Variants in MYCBP2 observed in about 807,000 individuals in gnomAD.
MYCBP2 encodes MYC binding protein 2, also known as E3 ubiquitin-protein ligase MYCBP2.
In MYCBP2, 120 loss-of-function variants were observed where a neutral mutation model predicts 525.3. That is an observed-to-expected ratio of 0.23 (90% CI 0.20 to 0.27). The LOEUF is 0.27. MYCBP2 is among the 10% of genes least tolerant of loss of function. The probability of loss-of-function intolerance (pLI) is 1.00; values close to 1 mark genes in which losing one functional copy is unlikely to be tolerated. For missense variants in MYCBP2, 4,149 were observed against 5,657.1 expected, an observed-to-expected ratio of 0.73 and a Z score of 8.55; for synonymous variants, 1,894 against 1,955.8, an observed-to-expected ratio of 0.97 and a Z score of 0.83.
At chr13:77,108,038 A>G (rs2048120296) in intron 55 of MYCBP2, among the ~76,000 whole-genome samples, 1 of 152,224 alleles carries the variant, frequency 6.6e-6, no homozygotes, top group South Asian at 2.1e-4. Context: ...ACTTATTTAC[A>G]TAAATGTTAG....
rs370201129 is a variant in MYCBP2 at position 77,121,513 on chromosome 13, G to A, written c.8018-18C>T. ...AGCTTGTTCTACAATAAAAGCCATA[G>A]CTGTAACATTAGTTTCTTACGTGCT... is the stretch of plus-strand genomic sequence containing the variant. On this transcript the variant is annotated intron_variant, in intron 54 of 82. Coordinates refer to ENST00000544440, the MANE Select transcript of MYCBP2 (RefSeq NM_015057.5). 1.3e-6 allele frequency: 2 copies of A among 1,541,580 alleles called. No individual in the cohort carries two copies. The highest frequency in any genetic ancestry group is 1.8e-6 in the Non-Finnish European group (2 of 1,136,872).
intron 17 of MYCBP2, among the ~76,000 whole-genome samples, chr13:77,238,342 C>A (rs1202960928): frequency 6.6e-6 from 1 of 151,236 alleles, no homozygotes; most frequent in African/African-American, 2.4e-5. Context: ...ATCTACAGCT[C>A]ACAATTATGA....
rs35696375 is a variant in MYCBP2, at chr13:77,045,402, C to T, written c.14013G>A (p.Val4671=). 3,793 of 1,613,926 alleles carry T rather than the reference C, an allele frequency of 2.4e-3. 78 individuals are homozygous for T. The African/African-American group carries it at 0.045, about 19-fold the overall frequency. ...TCTAAAAAGTGTGGGCATTTCTGCA[C>T]ACTCCACATCCCAGAGCAAACTCTT... is the stretch of plus-strand genomic sequence containing the variant. The part of the protein sequence containing the change: ...TGEEFALGCG[V]CRNAHTF The change falls in exon 83 of 83, where the codon GTG becomes GTA. Residue 4671 remains valine (V), a synonymous_variant. Coordinates refer to ENST00000544440, the MANE Select transcript of MYCBP2 (RefSeq NM_015057.5).
At chr13:77,061,527 C>A (rs573724745) in intron 75 of MYCBP2, 135 bp downstream of exon 75, 2 of 1,052,296 alleles carry the variant, frequency 1.9e-6, no homozygotes, top group Admixed American at 3.2e-5. Flanking sequence ...AGATGGTAAG[C>A]GAGACAGCTG....
chr13:77,241,895 G>T (rs1487212445), intron 17 of MYCBP2, among the ~76,000 whole-genome samples: 3 of 152,044 alleles, frequency 2.0e-5, no homozygotes, highest in African/African-American at 7.2e-5. Flanking sequence ...TTTATTTCAT[G>T]CATCAAATAT....
At chr13:77,102,292 A>G (rs927649183) in intron 55 of MYCBP2, among the ~76,000 whole-genome samples, 3 of 151,656 alleles carry the variant, frequency 2.0e-5, no homozygotes, top group Non-Finnish European at 4.4e-5. Context: ...GTACAATACT[A>G]TTTAGTATAT....
intron 21 of MYCBP2, among the ~76,000 whole-genome samples, chr13:77,214,492 T>C (rs1056238550): frequency 2.6e-5 from 4 of 152,056 alleles, no homozygotes; most frequent in African/African-American, 7.2e-5. Context: ...TATGGAGTGA[T>C]TTCTAGGAGA....
At chr13:77,192,593 T>C (rs1352331574) in intron 27 of MYCBP2, among the ~76,000 whole-genome samples, 2 of 152,128 alleles carry the variant, frequency 1.3e-5, no homozygotes, top group Non-Finnish European at 2.9e-5. Flanking sequence ...TGTAGAGGTA[T>C]GGAAGTACAA....
chr13:77,237,040 C>T (rs1231053535), intron 17 of MYCBP2, among the ~76,000 whole-genome samples: 2 of 152,122 alleles, frequency 1.3e-5, no homozygotes, highest in Non-Finnish European at 2.9e-5. Flanking sequence ...CTCTCTGCCC[C>T]ACACATTCTA....
In MYCBP2 at chr13:77,205,298, A is replaced by G. The variant is rs1387764775; in HGVS notation, c.3801T>C (p.Leu1267=). The change falls in exon 26 of 83, where the codon CTT becomes CTC. Residue 1267 remains leucine (L), a synonymous_variant. Transcript: ENST00000544440. ...SADTDILLGG[L]GLFGGRGEYT... ...ATTCTCCTCTACCTCCAAACAGACC[A>G]AGACCACCAAGTAAAATATCAGTGT... 1 of 1,613,768 alleles carries G rather than the reference A, an allele frequency of 6.2e-7. No individual in the cohort carries two copies. The highest frequency in any genetic ancestry group is 1.1e-5 in the South Asian group (1 of 91,040).
At chr13:77,151,548 T>G (rs959046337) in intron 46 of MYCBP2, among the ~76,000 whole-genome samples, 10 of 152,222 alleles carry the variant, frequency 6.6e-5, no homozygotes, top group Admixed American at 2.0e-4. Flanking sequence ...AATTAAACTT[T>G]GCAACTCACT....
Position 77,174,296 on chromosome 13 carries a change from T to C in MYCBP2, c.5651+15A>G, listed in dbSNP as rs757077851. On this transcript the variant is annotated intron_variant, in intron 37 of 82. Transcript: ENST00000544440. Reference sequence around the variant, plus strand: ...CACTGTAAAGTATTTCCGTTATCTCTATACATTCACCCACCTATAGTAGAG... The same window carrying C: ...CACTGTAAAGTATTTCCGTTATCTCCATACATTCACCCACCTATAGTAGAG... 2 of 1,612,742 alleles carry C rather than the reference T, an allele frequency of 1.2e-6. No individual in the cohort carries two copies. The highest frequency in any genetic ancestry group is 1.1e-5 in the South Asian group (1 of 91,022).
chr13:77,211,907 C>A, intron 22 of MYCBP2, 49 bp downstream of exon 22: 2 of 1,394,922 alleles, frequency 1.4e-6, no homozygotes, highest in South Asian at 1.2e-5. Flanking sequence ...CATTTACTAT[C>A]AATCAAGACA....
intron 17 of MYCBP2, among the ~76,000 whole-genome samples, chr13:77,235,366 C>T (rs1213501312): frequency 2.0e-5 from 3 of 151,720 alleles, no homozygotes; most frequent in Non-Finnish European, 4.4e-5. Context: ...GAGGGCATTC[C>T]AGTTAAAAGG....
At chr13:77,050,908 T>C (rs1193312613) in intron 82 of MYCBP2, 89 bp downstream of exon 82, 2 of 1,165,732 alleles carry the variant, frequency 1.7e-6, no homozygotes, top group Non-Finnish European at 2.4e-6. Flanking sequence ...ATTGAGTTTC[T>C]GTCACTTGAA....
intron 24 of MYCBP2, among the ~76,000 whole-genome samples, chr13:77,205,930 C>A (rs1199228519): frequency 6.6e-6 from 1 of 152,050 alleles, no homozygotes; most frequent in African/African-American, 2.4e-5. Context: ...TTGAGGAAGA[C>A]ACATTAGTGT....
At chr13:77,201,857 C>A (rs1292272070) in intron 26 of MYCBP2, among the ~76,000 whole-genome samples, 1 of 151,974 alleles carries the variant, frequency 6.6e-6, no homozygotes, top group Non-Finnish European at 1.5e-5. Flanking sequence ...AGAACAAAGA[C>A]GCAACATACC....
chr13:77,116,008 G>A (rs2049684150), intron 55 of MYCBP2, among the ~76,000 whole-genome samples: 1 of 151,802 alleles, frequency 6.6e-6, no homozygotes, highest in Non-Finnish European at 1.5e-5. Flanking sequence ...AATAGCCTTT[G>A]TAGTCAACAG....
intron 54 of MYCBP2, among the ~76,000 whole-genome samples, chr13:77,121,961 T>A (rs1278947847): frequency 6.6e-6 from 1 of 152,048 alleles, no homozygotes; most frequent in African/African-American, 2.4e-5. Context: ...CTGTTCTAAG[T>A]TATGAATGTG....
Sources: allele counts gnomAD v4.1 joint callset (sites outside exome capture counted in the v4.1 genomes callset), GRCh38; gene constraint gnomAD v4.1.1; transcripts MANE v1.5; gene names NCBI Gene and HGNC (gene_info 2026-07-23, HGNC 2026-07-21).